The following TMEM132C variants were observed in gnomAD, a reference collection of about 807,000 sequenced individuals.
The protein encoded by TMEM132C is transmembrane protein 132C.
A neutral mutation model predicts 61.4 loss-of-function variants in TMEM132C; 29 were observed. The ratio of observed to expected loss-of-function variants is 0.47; its 90% confidence interval spans 0.35 to 0.64. The LOEUF (loss-of-function observed/expected upper bound fraction) is 0.64. TMEM132C is among the 30% of genes least tolerant of loss of function. The pLI, the probability that TMEM132C is intolerant of heterozygous loss-of-function variation, is 0.00. For missense variants in TMEM132C, 1,408 were observed against 1,476.9 expected (o/e 0.95, Z 0.76); for synonymous variants, 656 against 633.1 (o/e 1.04, Z -0.54).
intron 1 of TMEM132C, among the ~76,000 whole-genome samples, chr12:128,296,320 G>A (rs1871413871): frequency 6.6e-6 from 1 of 152,142 alleles, no homozygotes; most frequent in South Asian, 2.1e-4. Flanking sequence ...CCAGAAGTAG[G>A]GTGGTTTCCA....
chr12:128,547,457 G>A (rs61938628), intron 3 of TMEM132C, among the ~76,000 whole-genome samples: 5,664 of 151,512 alleles, frequency 0.037, 139 homozygotes, highest in Middle Eastern at 0.09. Context: ...CCAGCTACTC[G>A]GGAGGCTGAG....
At chr12:128,559,244 A>G (rs1316490920) in intron 3 of TMEM132C, among the ~76,000 whole-genome samples, 1 of 151,940 alleles carries the variant, frequency 6.6e-6, no homozygotes, top group Non-Finnish European at 1.5e-5. Context: ...CTAACAATAT[A>G]TCTTGTATTT....
intron 2 of TMEM132C, among the ~76,000 whole-genome samples, chr12:128,536,317 C>T (rs1265123185): frequency 6.6e-6 from 1 of 152,056 alleles, no homozygotes; most frequent in African/African-American, 2.4e-5. Flanking sequence ...CGCATGTTCT[C>T]ACTCATAGGT....
intron 2 of TMEM132C, among the ~76,000 whole-genome samples, chr12:128,470,538 G>T (rs768147151): frequency 1.3e-5 from 2 of 152,176 alleles, no homozygotes; most frequent in African/African-American, 2.4e-5. Context: ...GCCAGTGGAG[G>T]AGAGGATGTA....
intron 1 of TMEM132C, among the ~76,000 whole-genome samples, chr12:128,395,449 T>C (rs113968676): frequency 3.9e-5 from 6 of 152,294 alleles, no homozygotes; most frequent in African/African-American, 1.4e-4. Flanking sequence ...ACACAGATGC[T>C]TCTCTACTTA....
At chr12:128,693,619 C>T (rs1026398392) in intron 5 of TMEM132C, among the ~76,000 whole-genome samples, 1 of 152,208 alleles carries the variant, frequency 6.6e-6, no homozygotes, top group Non-Finnish European at 1.5e-5. Context: ...TTCCTTCTTT[C>T]TCTGTCTTCC....
At chr12:128,317,446 T>G (rs1872190590) in intron 1 of TMEM132C, among the ~76,000 whole-genome samples, 1 of 152,168 alleles carries the variant, frequency 6.6e-6, no homozygotes, top group South Asian at 2.1e-4. Flanking sequence ...CAAACTCACA[T>G]CTATGGAGAA....
At chr12:128,428,242 T>C (rs79604791) in intron 2 of TMEM132C, among the ~76,000 whole-genome samples, 5 of 46,682 alleles carry the variant, frequency 1.1e-4, no homozygotes, top group Admixed American at 1.5e-4. Context: ...GAATTTTTTT[T>C]CCCTATAAAA....
intron 3 of TMEM132C, among the ~76,000 whole-genome samples, chr12:128,550,691 C>T (rs552789322): frequency 6.6e-6 from 1 of 152,268 alleles, no homozygotes; most frequent in East Asian, 1.9e-4. Flanking sequence ...ATCTTAAAAG[C>T]CTGCTCTCCA....
At position 128,267,499 on chromosome 12, in the gene TMEM132C, G is replaced by T. The variant is rs988276765; in HGVS notation, c.85+12G>T. ...GCTGCTGGGCAAAGGTAAGGCCGGGGCGGGTGCCTGGCGCGCCGACGCATG... is the reference window on the plus strand; with the variant it reads ...GCTGCTGGGCAAAGGTAAGGCCGGGTCGGGTGCCTGGCGCGCCGACGCATG... On this transcript the variant is annotated intron_variant, in intron 1 of 8. Coordinates refer to ENST00000435159, the MANE Select transcript of TMEM132C (RefSeq NM_001136103.3). 3.0e-5 allele frequency: 37 copies of T among 1,240,472 alleles called. No homozygotes were observed. The highest frequency in any genetic ancestry group is 3.7e-5 in the Non-Finnish European group (37 of 991,750). The allele number at this position is 1,240,472 out of a possible 1,614,324, so 76.8% of individuals were successfully genotyped here. A position where few individuals can be genotyped will look rare whatever the true frequency, so the allele number is the denominator to read the frequency against.
At chr12:128,700,470 A>AT (rs1954796168) in intron 8 of TMEM132C, among the ~76,000 whole-genome samples, 1 of 152,102 alleles carries the variant, frequency 6.6e-6, no homozygotes, top group African/African-American at 2.4e-5. Flanking sequence ...TCTGCTGTTC[A>AT]GGGGCTTTTT....
intron 1 of TMEM132C, among the ~76,000 whole-genome samples, chr12:128,290,745 T>C (rs1417035114): frequency 6.6e-6 from 1 of 152,006 alleles, no homozygotes; most frequent in Non-Finnish European, 1.5e-5. Flanking sequence ...TCTCCACTCC[T>C]TCTCTCAGAG....
chr12:128,560,079 C>A (rs1156499270), intron 3 of TMEM132C, among the ~76,000 whole-genome samples: 1 of 152,118 alleles, frequency 6.6e-6, no homozygotes, highest in African/African-American at 2.4e-5. Flanking sequence ...GAGACCCTGT[C>A]TCTACAAAAA....
intron 2 of TMEM132C, among the ~76,000 whole-genome samples, chr12:128,455,658 G>A (rs1870314484): frequency 6.6e-6 from 1 of 152,192 alleles, no homozygotes; most frequent in Non-Finnish European, 1.5e-5. Flanking sequence ...AGAAACGTAT[G>A]ATCTTGTTCT....
chr12:128,448,921 A>G (rs1870084194), intron 2 of TMEM132C, among the ~76,000 whole-genome samples: 1 of 152,106 alleles, frequency 6.6e-6, no homozygotes, highest in African/African-American at 2.4e-5. Context: ...GCGGATCACG[A>G]GGTCAGGAGA....
intron 1 of TMEM132C, among the ~76,000 whole-genome samples, chr12:128,390,551 A>C (rs771154243): frequency 6.6e-6 from 1 of 152,114 alleles, no homozygotes; most frequent in Middle Eastern, 3.2e-3. Flanking sequence ...CTGGCTTACT[A>C]TCAGCCGACT....
chr12:128,325,975 T>C (rs7958446), intron 1 of TMEM132C, among the ~76,000 whole-genome samples: 8,913 of 152,152 alleles, frequency 0.059, 370 homozygotes, highest in Non-Finnish European at 0.088. Flanking sequence ...TGGTCCCTCG[T>C]TGCACACGTG....
Position 128,608,385 on chromosome 12 carries a change from T to C in TMEM132C, c.1122-7767T>C, listed in dbSNP as rs548260975. Among the ~76,000 whole-genome samples, 40 of 152,314 alleles carry C rather than the reference T, an allele frequency of 2.6e-4. 1 individual carries two copies. The East Asian group carries it at 7.7e-3, about 29-fold the overall frequency. Reference sequence around the variant, plus strand: ...ACAGCCAGGACTCACTTCAGACCAATGAAAGCAAGATCTCTGAGATGGGAC... The same window carrying C: ...ACAGCCAGGACTCACTTCAGACCAACGAAAGCAAGATCTCTGAGATGGGAC... On this transcript the variant is annotated intron_variant, in intron 3 of 8. Coordinates refer to ENST00000435159, the MANE Select transcript of TMEM132C (RefSeq NM_001136103.3).
intron 2 of TMEM132C, among the ~76,000 whole-genome samples, chr12:128,509,121 C>T (rs1407855840): frequency 2.0e-5 from 3 of 152,104 alleles, no homozygotes; most frequent in African/African-American, 7.2e-5. Flanking sequence ...TGCAAGTCCT[C>T]GAAGCAAACC....
Sources: allele counts gnomAD v4.1 joint callset (sites outside exome capture counted in the v4.1 genomes callset), GRCh38; gene constraint gnomAD v4.1.1; transcripts MANE v1.5; gene names NCBI Gene and HGNC (gene_info 2026-07-23, HGNC 2026-07-21).